PCDH9: variants seen among roughly 807,000 people sequenced by gnomAD.
The protein encoded by PCDH9 is protocadherin 9, also known as protocadherin-9.
A neutral mutation model predicts 70.6 loss-of-function variants in PCDH9; 24 were observed. The ratio of observed to expected loss-of-function variants is 0.34; its 90% CI spans 0.25 to 0.48. The LOEUF (loss-of-function observed/expected upper bound fraction) is 0.48, where lower values mean the gene tolerates loss of function less well. PCDH9 is among the 20% of genes least tolerant of loss of function. The pLI is 0.99. For missense variants in PCDH9, 1,281 were observed against 1,503.6 expected (o/e 0.85, Z 2.45); for synonymous variants, 562 against 558.5 (o/e 1.01, Z -0.09).
At chr13:67,184,401 T>G (rs556593572) in intron 2 of PCDH9, among the ~76,000 whole-genome samples, 3 of 152,202 alleles carry the variant, frequency 2.0e-5, no homozygotes, top group African/African-American at 7.2e-5. Context: ...CGCATTCAGA[T>G]CTCTGTGAAT....
intron 2 of PCDH9, among the ~76,000 whole-genome samples, chr13:67,117,866 C>T (rs1178308896): frequency 2.0e-5 from 3 of 152,068 alleles, no homozygotes; most frequent in Admixed American, 2.0e-4. Flanking sequence ...CCACAAAATA[C>T]AAGAACTACT....
At chr13:66,895,187 T>C (rs1163424820) in intron 3 of PCDH9, among the ~76,000 whole-genome samples, 1 of 152,170 alleles carries the variant, frequency 6.6e-6, no homozygotes, top group Non-Finnish European at 1.5e-5. Flanking sequence ...ATACGAACTG[T>C]TTATGTGAAA....
At chr13:67,012,894 T>C (rs1376821932) in intron 2 of PCDH9, among the ~76,000 whole-genome samples, 1 of 151,964 alleles carries the variant, frequency 6.6e-6, no homozygotes, top group Non-Finnish European at 1.5e-5. Flanking sequence ...TGGCTGGCAT[T>C]AGACATCTTG....
At chr13:66,643,534 C>T (rs183490892) in intron 3 of PCDH9, among the ~76,000 whole-genome samples, 1 of 152,026 alleles carries the variant, frequency 6.6e-6, no homozygotes, top group Non-Finnish European at 1.5e-5. Flanking sequence ...CCTTTGAAAA[C>T]ATTACCGAGT....
intron 4 of PCDH9, among the ~76,000 whole-genome samples, chr13:66,391,482 C>T (rs984532790): frequency 6.6e-6 from 1 of 152,086 alleles, no homozygotes; most frequent in African/African-American, 2.4e-5. Context: ...TCAAATAGAG[C>T]CTTGAGCTTC....
At chr13:66,684,446 G>A (rs1366004954) in intron 3 of PCDH9, among the ~76,000 whole-genome samples, 1 of 152,138 alleles carries the variant, frequency 6.6e-6, no homozygotes, top group African/African-American at 2.4e-5. Context: ...TGTGTTGTAG[G>A]AAGAACCCAG....
intron 2 of PCDH9, among the ~76,000 whole-genome samples, chr13:67,194,250 G>C (rs1212368987): frequency 6.6e-6 from 1 of 151,976 alleles, no homozygotes; most frequent in African/African-American, 2.4e-5. Context: ...AACATTCAAT[G>C]TTTCTCTGTT....
chr13:67,156,015 T>C (rs2087801262), intron 2 of PCDH9, among the ~76,000 whole-genome samples: 1 of 152,078 alleles, frequency 6.6e-6, no homozygotes, highest in African/African-American at 2.4e-5. Context: ...ACAGTATCTT[T>C]AAGGATGCCG....
At chr13:66,397,683 A>G (rs1372576679) in intron 4 of PCDH9, among the ~76,000 whole-genome samples, 1 of 151,552 alleles carries the variant, frequency 6.6e-6, no homozygotes, top group Non-Finnish European at 1.5e-5. Context: ...TTTTTAAATA[A>G]CTTTGTGAAA....
Position 66,834,243 on chromosome 13 carries a change from C to G in PCDH9, c.3138+69261G>C, listed in dbSNP as rs1054221727. 2.0e-5 allele frequency among the ~76,000 whole-genome samples: 3 copies of G among 150,674 alleles called. No homozygotes were observed. The East Asian group carries it at 5.9e-4, about 30-fold the overall frequency. ...TGCAGTCTTGGCTCACTGCAAACTC[C>G]GTCCCCCGAGCTCAAGCAATTTTCA... On this transcript the variant is annotated intron_variant, in intron 3 of 4. Transcript: ENST00000377865.
intron 2 of PCDH9, among the ~76,000 whole-genome samples, chr13:67,174,180 T>A (rs1296549764): frequency 1.3e-5 from 2 of 152,120 alleles, no homozygotes; most frequent in Non-Finnish European, 2.9e-5. Flanking sequence ...CACATATACA[T>A]AAAATATGTC....
chr13:66,720,226 C>A (rs1296248371), intron 3 of PCDH9, among the ~76,000 whole-genome samples: 1 of 151,842 alleles, frequency 6.6e-6, no homozygotes, highest in African/African-American at 2.4e-5. Context: ...TATTTCGGCT[C>A]ACTGCAACCT....
intron 2 of PCDH9, among the ~76,000 whole-genome samples, chr13:67,091,958 A>C (rs1414749672): frequency 6.6e-6 from 1 of 152,128 alleles, no homozygotes; most frequent in Non-Finnish European, 1.5e-5. Context: ...TATAATTATC[A>C]GGTGTGTAGG....
intron 3 of PCDH9, among the ~76,000 whole-genome samples, chr13:66,661,536 G>C (rs1271268744): frequency 6.6e-6 from 1 of 152,098 alleles, no homozygotes; most frequent in Non-Finnish European, 1.5e-5. Context: ...GTATGCCCTT[G>C]TTTATCTGGA....
chr13:66,804,805 G>T (rs528561545), intron 3 of PCDH9, among the ~76,000 whole-genome samples: 33 of 152,146 alleles, frequency 2.2e-4, no homozygotes, highest in Admixed American at 1.0e-3. Context: ...AGTTTGTGGG[G>T]TTTTTTTATA....
intron 4 of PCDH9, among the ~76,000 whole-genome samples, chr13:66,360,043 G>T (rs755730331): frequency 1.3e-5 from 2 of 152,072 alleles, no homozygotes; most frequent in African/African-American, 2.4e-5. Context: ...TTAAGTAAAA[G>T]ACATTTGGTC....
At chr13:66,976,657 G>A (rs1324022386) in intron 2 of PCDH9, among the ~76,000 whole-genome samples, 2 of 152,114 alleles carry the variant, frequency 1.3e-5, no homozygotes, top group African/African-American at 4.8e-5. Context: ...AAGGCAGGTA[G>A]AGCTAGGATC....
At chr13:67,185,091 T>C (rs926037071) in intron 2 of PCDH9, among the ~76,000 whole-genome samples, 1 of 152,158 alleles carries the variant, frequency 6.6e-6, no homozygotes, top group South Asian at 2.1e-4. Context: ...TAATATTTGA[T>C]CTACTAGAGA....
At chr13:66,637,805 T>C (rs1414903636) in intron 3 of PCDH9, among the ~76,000 whole-genome samples, 1 of 151,794 alleles carries the variant, frequency 6.6e-6, no homozygotes. Flanking sequence ...TCCCAGCTAC[T>C]TGGGAGGCTT....
Sources: gnomAD v4.1 joint callset for allele counts (sites outside exome capture counted in the v4.1 genomes callset) on GRCh38, gnomAD v4.1.1 for gene constraint, MANE v1.5 for transcripts, NCBI Gene and HGNC (gene_info 2026-07-23, HGNC 2026-07-21) for gene names.